NCS1: variants seen among roughly 807,000 people sequenced by gnomAD.
NCS1 encodes the protein frequenin homolog.
Under a neutral mutation model 28.4 loss-of-function variants are expected in NCS1, and 6 were observed. That is an observed-to-expected ratio of 0.21 (90% CI 0.12 to 0.42). The LOEUF is 0.42. Among genes scored for constraint, NCS1 ranks in the 10% least tolerant of loss-of-function variants. The pLI is 1.00. For synonymous variants in NCS1, 86 were observed against 99.3 expected, an observed-to-expected ratio of 0.87 and a Z score of 0.79; for missense variants, 131 against 241.4, an observed-to-expected ratio of 0.54 and a Z score of 3.03.
intron 1 of NCS1, among the ~76,000 whole-genome samples, chr9:130,185,381 T>C (rs1370830048): frequency 3.9e-5 from 6 of 152,216 alleles, no homozygotes; most frequent in Non-Finnish European, 8.8e-5. Context: ...TTCTTATCCA[T>C]CTTGGGCTTT....
rs554096189 is a variant in NCS1, at chr9:130,174,665, G to T, written c.64+1938G>T. On this transcript the variant is annotated intron_variant, in intron 1 of 7. Transcript: ENST00000372398. Reference sequence around the variant, plus strand: ...CATCTCTACTAAAAATACAAAATTAGCTGGGCATGGTGGCACATGCCTGTA... The same window carrying T: ...CATCTCTACTAAAAATACAAAATTATCTGGGCATGGTGGCACATGCCTGTA... Among the ~76,000 whole-genome samples, 7 of 152,164 alleles carry T rather than the reference G, an allele frequency of 4.6e-5. No homozygotes were observed. In the East Asian group the frequency reaches 5.8e-4, roughly 13 times the overall value.
rs1228569668 is a variant in NCS1, at chr9:130,222,976, G to T, written c.397-106G>T. ...AGGGATGGGGAGGGGAAAGAAGAGGGGGGCGGCCCTCATCTGGAAACTGCC... is the reference window on the plus strand; with the variant it reads ...AGGGATGGGGAGGGGAAAGAAGAGGTGGGCGGCCCTCATCTGGAAACTGCC... On this transcript the variant is annotated intron_variant, in intron 5 of 7. Coordinates refer to ENST00000372398, the MANE Select transcript of NCS1 (RefSeq NM_014286.4). The T allele has an allele frequency of 1.4e-4, 130 of 904,408 alleles. 1 individual carries two copies. Among genetic ancestry groups the T allele is most frequent in the Non-Finnish European group, 2.0e-4 (113 of 565,818 alleles). The allele number at this position is 904,408 out of a possible 1,614,324, so 56.0% of individuals were successfully genotyped here.
rs1833419384 is a variant in NCS1, at chr9:130,226,546, CA to C, written c.*17+43del. The C allele has an allele frequency of 3.4e-6, 5 of 1,464,972 alleles. No homozygotes were observed. The Admixed American group carries it at 5.6e-5, about 16-fold the overall frequency. 90.7% of individuals were successfully genotyped at this position (1,464,972 alleles called of 1,614,324 possible). A position where few individuals can be genotyped will look rare whatever the true frequency, so the allele number is the denominator to read the frequency against. On this transcript the variant is annotated intron_variant, in intron 7 of 7. Coordinates refer to ENST00000372398, the MANE Select transcript of NCS1 (RefSeq NM_014286.4). This position sits in a 1 kb window ranked among gnomAD's most constrained non-coding sequence, Gnocchi z 4.8. ...GGCCTGGGGTGGGTCTGGGATGGGT[CA>C]GGGGTGAAAACCCAGCAGCAGGACA...
At chr9:130,203,377 T>C (rs1832983689) in intron 2 of NCS1, among the ~76,000 whole-genome samples, 1 of 152,152 alleles carries the variant, frequency 6.6e-6, no homozygotes, top group South Asian at 2.1e-4. Context: ...AATGCTGGGA[T>C]TACAGGCGTA....
chr9:130,234,821 G>A lies in NCS1; in HGVS notation c.*1849G>A, dbSNP rs1316944140. 2 of 152,246 alleles carry A rather than the reference G, an allele frequency of 1.3e-5. No homozygotes were observed. The highest frequency in any genetic ancestry group is 2.4e-5 in the African/African-American group (1 of 41,424). The allele number at this position is 152,246 out of a possible 1,614,324, so 9.4% of individuals were successfully genotyped here. ...GACCCAGAAGGAGTCCTTGCACAGG[G>A]AAGGCTTGAGGTGAGAAGCCGCTTC... is the stretch of plus-strand genomic sequence containing the variant. On this transcript the variant is annotated 3_prime_UTR_variant, in exon 8 of 8. Transcript: ENST00000372398. This position sits in a 1 kb window ranked among gnomAD's most constrained non-coding sequence, Gnocchi z 6.1.
rs782713706 is a variant in NCS1 at position 130,226,340 on chromosome 9, C to T, written c.475-49C>T. 6 of 1,513,134 alleles carry T rather than the reference C, an allele frequency of 4.0e-6. No individual in the cohort carries two copies. Among genetic ancestry groups the T allele is most frequent in the Non-Finnish European group, 3.7e-6 (4 of 1,090,966 alleles). 93.7% of individuals were successfully genotyped at this position (1,513,134 alleles called of 1,614,324 possible). ...GGCCCTGGGCTGGGCTTGTCTAGAGCCCTCTCCTGGGAGGCCCTGCACCCT... is the reference window on the plus strand; with the variant it reads ...GGCCCTGGGCTGGGCTTGTCTAGAGTCCTCTCCTGGGAGGCCCTGCACCCT... On this transcript the variant is annotated intron_variant, in intron 6 of 7. Transcript: ENST00000372398. This position sits in a 1 kb window ranked among gnomAD's most constrained non-coding sequence, Gnocchi z 4.8.
chr9:130,195,679 C>T (rs1340403174), intron 1 of NCS1, among the ~76,000 whole-genome samples: 3 of 152,258 alleles, frequency 2.0e-5, no homozygotes, highest in East Asian at 1.9e-4. Flanking sequence ...CCACCTTGCC[C>T]TCCCAAAGTG....
rs1832746035 is a variant in NCS1 at position 130,186,944 on chromosome 9, A to G, written c.65-14014A>G. On this transcript the variant is annotated intron_variant, in intron 1 of 7. Coordinates refer to ENST00000372398, the MANE Select transcript of NCS1 (RefSeq NM_014286.4). The surrounding 1 kb of genome is among the most constrained non-coding windows in gnomAD (Gnocchi z 4.1). ...CTCAGAGGTGAGCTTATGTGGCCAG[A>G]AGCAGATCCGCGGAAGTCCCTTGGC... Among the ~76,000 whole-genome samples the G allele has an allele frequency of 6.6e-6, 1 of 152,206 alleles. No homozygotes were observed. The highest frequency in any genetic ancestry group is 6.5e-5 in the Admixed American group (1 of 15,280).
intron 6 of NCS1, among the ~76,000 whole-genome samples, chr9:130,224,695 A>G (rs1005275883): frequency 6.6e-6 from 1 of 152,192 alleles, no homozygotes. Flanking sequence ...TAGTCTGTAC[A>G]GCAAACCCCC....
At chr9:130,196,035 A>C (rs1832874446) in intron 1 of NCS1, among the ~76,000 whole-genome samples, 1 of 152,020 alleles carries the variant, frequency 6.6e-6, no homozygotes, top group African/African-American at 2.4e-5. Flanking sequence ...CCGGGCTGGG[A>C]ACCAGAGCCT....
chr9:130,222,129 TATATATATATAC>T (rs1356117318), intron 4 of NCS1, among the ~76,000 whole-genome samples: 2 of 139,286 alleles, frequency 1.4e-5, no homozygotes, highest in African/African-American at 5.5e-5. Context: ...TATATATGTG[TATATATATATAC>T]GTATATATAT....
chr9:130,224,126 G>A (rs1720916066), intron 6 of NCS1, among the ~76,000 whole-genome samples: 1 of 150,682 alleles, frequency 6.6e-6, no homozygotes, highest in Admixed American at 6.6e-5. Context: ...GATTATAGGC[G>A]TGAGCCACCG....
chr9:130,209,887 G>A lies in NCS1; in HGVS notation c.90-7945G>A, dbSNP rs782043195. On this transcript the variant is annotated intron_variant, in intron 2 of 7. Coordinates refer to ENST00000372398, the MANE Select transcript of NCS1 (RefSeq NM_014286.4). The surrounding 1 kb of genome is among the most constrained non-coding windows in gnomAD (Gnocchi z 4.4). ...CCCGTGGCTGGGGATCGCAGGCCCC[G>A]TTCTTCACAGCCTGGGCCTGCCTCT... Among the ~76,000 whole-genome samples, 4 of 152,090 alleles carry A rather than the reference G, an allele frequency of 2.6e-5. No homozygotes were observed. Among genetic ancestry groups the A allele is most frequent in the Non-Finnish European group, 4.4e-5 (3 of 68,018 alleles).
intron 1 of NCS1, among the ~76,000 whole-genome samples, chr9:130,178,543 G>A (rs1468984345): frequency 6.6e-6 from 1 of 152,226 alleles, no homozygotes. Context: ...AGTGGAGGGG[G>A]GTGGTGTCCT....
At chr9:130,210,412 A>AAG (rs1554908625) in intron 2 of NCS1, among the ~76,000 whole-genome samples, 4 of 151,076 alleles carry the variant, frequency 2.6e-5, no homozygotes, top group Non-Finnish European at 5.9e-5. Context: ...AAAAAAAAAA[A>AAG]AAAGAAAGAA....
chr9:130,199,557 C>A (rs1832915836), intron 1 of NCS1, among the ~76,000 whole-genome samples: 1 of 152,228 alleles, frequency 6.6e-6, no homozygotes, highest in African/African-American at 2.4e-5. Flanking sequence ...AGGTCAGGCC[C>A]TTGCCTTGCC....
chr9:130,229,167 T>A (rs943387514), intron 7 of NCS1, among the ~76,000 whole-genome samples: 2 of 152,126 alleles, frequency 1.3e-5, no homozygotes, highest in Non-Finnish European at 2.9e-5. Flanking sequence ...TTAAAAGAAT[T>A]GAACACTTAC....
chr9:130,172,933 C>T (rs1372163624), intron 1 of NCS1, among the ~76,000 whole-genome samples: 1 of 151,888 alleles, frequency 6.6e-6, no homozygotes, highest in Non-Finnish European at 1.5e-5. Flanking sequence ...GCACCCCCAG[C>T]CCGGGGAGTG....
At chr9:130,210,228 G>A (rs1432971471) in intron 2 of NCS1, among the ~76,000 whole-genome samples, 4 of 151,892 alleles carry the variant, frequency 2.6e-5, no homozygotes, top group Non-Finnish European at 5.9e-5. Context: ...ATGAAACCCC[G>A]TCTCTACTAA....
Sources: gnomAD v4.1 joint callset for allele counts (sites outside exome capture counted in the v4.1 genomes callset) on GRCh38, gnomAD v4.1.1 for gene constraint, Gnocchi (gnomAD v3.1) non-coding constraint, MANE v1.5 for transcripts, NCBI Gene and HGNC (gene_info 2026-07-23, HGNC 2026-07-21) for gene names.